The following ARHGAP26 variants were observed in gnomAD, a reference collection of about 807,000 sequenced individuals.
ARHGAP26 encodes the protein Rho GTPase activating protein 26, also known as rho GTPase-activating protein 26.
In ARHGAP26, 38 loss-of-function variants were observed where a neutral mutation model predicts 104.8. That is an observed-to-expected ratio of 0.36 (90% confidence interval 0.28 to 0.48). ARHGAP26 has a LOEUF of 0.48. Ranked by LOEUF, ARHGAP26 falls within the 20% of genes least tolerant of loss-of-function variation. The pLI is 0.99. For synonymous variants in ARHGAP26, 341 were observed against 340.0 expected, an observed-to-expected ratio of 1.00 and a Z score of -0.03; for missense variants, 704 against 947.9, an observed-to-expected ratio of 0.74 and a Z score of 3.38.
chr5:143,100,455 T>C (rs1289667520), intron 17 of ARHGAP26, among the ~76,000 whole-genome samples: 1 of 152,256 alleles, frequency 6.6e-6, no homozygotes, highest in Non-Finnish European at 1.5e-5. Context: ...AGTTAAATGA[T>C]GCAGACTTTC....
At chr5:143,151,553 C>T (rs1425031807) in intron 20 of ARHGAP26, among the ~76,000 whole-genome samples, 22 of 152,156 alleles carry the variant, frequency 1.4e-4, no homozygotes, top group Admixed American at 1.4e-3. Context: ...AATGGATAAA[C>T]AAACTATGGT....
At chr5:142,898,838 T>G (rs1242422974) in intron 6 of ARHGAP26, among the ~76,000 whole-genome samples, 2 of 152,244 alleles carry the variant, frequency 1.3e-5, no homozygotes, top group Non-Finnish European at 2.9e-5. Flanking sequence ...GTGCGGATGA[T>G]TCTTGGTAGC....
chr5:142,794,817 T>C (rs1760641636), intron 1 of ARHGAP26, among the ~76,000 whole-genome samples: 1 of 152,228 alleles, frequency 6.6e-6, no homozygotes, highest in African/African-American at 2.4e-5. Context: ...TTGACTGCCC[T>C]GTAGCCCAGC....
At chr5:142,782,833 T>C (rs558989732) in intron 1 of ARHGAP26, among the ~76,000 whole-genome samples, 2 of 152,314 alleles carry the variant, frequency 1.3e-5, no homozygotes, top group South Asian at 4.1e-4. Flanking sequence ...AGGCCTGTGG[T>C]AAGTGACCTG....
At chr5:142,991,491 A>C (rs113309292) in intron 11 of ARHGAP26, among the ~76,000 whole-genome samples, 5,270 of 152,062 alleles carry the variant, frequency 0.035, 319 homozygotes, top group African/African-American at 0.12. Context: ...ACTGAGATGA[A>C]CCCACTACCT....
At chr5:142,921,051 T>C (rs980716625) in intron 10 of ARHGAP26, among the ~76,000 whole-genome samples, 1 of 152,256 alleles carries the variant, frequency 6.6e-6, no homozygotes, top group Non-Finnish European at 1.5e-5. Flanking sequence ...AGACCTCATC[T>C]GATTTTCTTT....
At chr5:143,221,900 G>C (rs1342063317) in intron 22 of ARHGAP26, among the ~76,000 whole-genome samples, 1 of 146,668 alleles carries the variant, frequency 6.8e-6, no homozygotes, top group Non-Finnish European at 1.5e-5. Flanking sequence ...AGTTGATACT[G>C]GGCAGGTGGG....
intron 17 of ARHGAP26, among the ~76,000 whole-genome samples, chr5:143,091,686 T>C (rs985603626): frequency 6.6e-6 from 1 of 152,236 alleles, no homozygotes; most frequent in African/African-American, 2.4e-5. Context: ...CATCTGACCA[T>C]AAGGTAAGAT....
intron 12 of ARHGAP26, among the ~76,000 whole-genome samples, chr5:143,023,859 C>T (rs187381315): frequency 6.6e-5 from 10 of 152,336 alleles, no homozygotes; most frequent in Admixed American, 5.2e-4. Context: ...CCCTTGCCTG[C>T]GTTCCTTCCT....
chr5:142,948,352 T>C (rs1423070246), intron 11 of ARHGAP26, among the ~76,000 whole-genome samples: 1 of 151,980 alleles, frequency 6.6e-6, no homozygotes, highest in African/African-American at 2.4e-5. Context: ...TATGTGTGCA[T>C]ATGTGAATAT....
At chr5:142,822,329 A>G (rs1169129030) in intron 1 of ARHGAP26, among the ~76,000 whole-genome samples, 1 of 152,188 alleles carries the variant, frequency 6.6e-6, no homozygotes, top group Non-Finnish European at 1.5e-5. Flanking sequence ...CTGGTGACAT[A>G]CATGCTGGGC....
At chr5:143,155,077 A>G (rs1330485197) in intron 20 of ARHGAP26, among the ~76,000 whole-genome samples, 1 of 152,124 alleles carries the variant, frequency 6.6e-6, no homozygotes, top group African/African-American at 2.4e-5. Context: ...CTCCAAGCAG[A>G]AAAGATCTCT....
At chr5:142,933,773 T>A (rs1412911033) in intron 11 of ARHGAP26, among the ~76,000 whole-genome samples, 2 of 152,176 alleles carry the variant, frequency 1.3e-5, no homozygotes, top group Non-Finnish European at 2.9e-5. Context: ...GCCAGGACCC[T>A]GGACATGTTA....
Position 143,228,788 on chromosome 5 carries a change from G to C in ARHGAP26, c.*6342G>C. The C allele has an allele frequency of 5.1e-6, 1 of 195,806 alleles. No homozygotes were observed. The allele number at this position is 195,806 out of a possible 1,614,324, so 12.1% of individuals were successfully genotyped here. On this transcript the variant is annotated 3_prime_UTR_variant, in exon 23 of 23. Transcript: ENST00000645722. ...ATGCTGTAATTAGAAAGTAATCTGT[G>C]ACTAGAATAGACCTTTGTCCCTGTT...
chr5:142,842,406 C>G (rs1306813659), intron 1 of ARHGAP26, among the ~76,000 whole-genome samples: 3 of 152,208 alleles, frequency 2.0e-5, no homozygotes, highest in African/African-American at 7.2e-5. Flanking sequence ...TTAATATCTA[C>G]CTCACCCATA....
chr5:142,784,993 C>G (rs1044023594), intron 1 of ARHGAP26, among the ~76,000 whole-genome samples: 1 of 140,656 alleles, frequency 7.1e-6, no homozygotes, highest in African/African-American at 2.8e-5. Context: ...GTGGCGCGAT[C>G]TCGGCTCACT....
At chr5:143,019,620 G>A (rs772760655) in intron 12 of ARHGAP26, among the ~76,000 whole-genome samples, 7 of 152,216 alleles carry the variant, frequency 4.6e-5, no homozygotes, top group Non-Finnish European at 7.3e-5. Flanking sequence ...TCCCACCTGA[G>A]GGAAGGTTAG....
At chr5:142,844,505 A>T (rs929097441) in intron 1 of ARHGAP26, among the ~76,000 whole-genome samples, 37 of 152,150 alleles carry the variant, frequency 2.4e-4, no homozygotes, top group African/African-American at 8.9e-4. Flanking sequence ...TTTACCCAAA[A>T]TTCATTTTCA....
intron 11 of ARHGAP26, among the ~76,000 whole-genome samples, chr5:143,001,724 T>G (rs1219358170): frequency 6.6e-6 from 1 of 152,232 alleles, no homozygotes; most frequent in African/African-American, 2.4e-5. Context: ...CAGTTCCATT[T>G]TAGAAACCTC....
Sources: gnomAD v4.1 joint callset for allele counts (sites outside exome capture counted in the v4.1 genomes callset) on GRCh38, gnomAD v4.1.1 for gene constraint, MANE v1.5 for transcripts, NCBI Gene and HGNC (gene_info 2026-07-23, HGNC 2026-07-21) for gene names.